The following TNR variants were observed in gnomAD, a reference collection of about 807,000 sequenced individuals.
TNR encodes the protein tenascin R, also known as tenascin-R.
A neutral mutation model predicts 150.4 loss-of-function variants in TNR; 45 were observed. That is an observed-to-expected ratio of 0.30 (90% confidence interval 0.24 to 0.38). The LOEUF is 0.38. Among genes scored for constraint, TNR ranks in the 10% least tolerant of loss-of-function variants. The probability of loss-of-function intolerance (pLI) is 1.00; values close to 1 mark genes in which losing one functional copy is unlikely to be tolerated. For missense variants in TNR, 1,544 were observed against 1,759.1 expected (o/e 0.88, Z 2.19); for synonymous variants, 687 against 678.4 (o/e 1.01, Z -0.20).
At chr1:175,412,652 G>A (rs538178905) in intron 2 of TNR, among the ~76,000 whole-genome samples, 8 of 151,700 alleles carry the variant, frequency 5.3e-5, no homozygotes, top group African/African-American at 1.5e-4. Flanking sequence ...AATGTGTCCC[G>A]CACTCCAGCT....
chr1:175,672,414 T>C (rs1198353314), intron 1 of TNR, among the ~76,000 whole-genome samples: 1 of 152,206 alleles, frequency 6.6e-6, no homozygotes, highest in Non-Finnish European at 1.5e-5. Flanking sequence ...GGAATAGAGA[T>C]GTGCTGACTT....
chr1:175,456,603 G>T (rs2102099704), intron 2 of TNR, among the ~76,000 whole-genome samples: 1 of 147,584 alleles, frequency 6.8e-6, no homozygotes, highest in Non-Finnish European at 1.5e-5. Context: ...TTCAGCCTAA[G>T]TGTACTGAAG....
chr1:175,361,004 C>G (rs537729003), intron 14 of TNR, among the ~76,000 whole-genome samples: 16 of 152,178 alleles, frequency 1.1e-4, no homozygotes, highest in Non-Finnish European at 1.9e-4. Context: ...ATGGGCATAC[C>G]ATTTGGGTTG....
chr1:175,679,253 A>C (rs557998277), intron 1 of TNR, among the ~76,000 whole-genome samples: 23 of 152,334 alleles, frequency 1.5e-4, no homozygotes, highest in African/African-American at 5.5e-4. Context: ...TCCCTCTCTG[A>C]AGCTTGCTAG....
At chr1:175,557,525 C>T (rs887192196) in intron 1 of TNR, among the ~76,000 whole-genome samples, 3 of 152,192 alleles carry the variant, frequency 2.0e-5, no homozygotes, top group African/African-American at 7.2e-5. Flanking sequence ...CACATCCAAT[C>T]TCAACTTGAA....
At chr1:175,335,647 A>G in intron 20 of TNR, 64 bp downstream of exon 20, 1 of 1,496,530 alleles carries the variant, frequency 6.7e-7, no homozygotes, top group East Asian at 2.3e-5. Flanking sequence ...ATGGACACAA[A>G]AAGGAGAGAG....
intron 1 of TNR, among the ~76,000 whole-genome samples, chr1:175,726,195 C>T (rs1667473442): frequency 6.6e-6 from 1 of 152,120 alleles, no homozygotes; most frequent in African/African-American, 2.4e-5. Context: ...AAAGATTACA[C>T]AGATAAGTAA....
intron 1 of TNR, among the ~76,000 whole-genome samples, chr1:175,656,954 T>C (rs945423349): frequency 6.6e-6 from 1 of 152,132 alleles, no homozygotes; most frequent in Non-Finnish European, 1.5e-5. Context: ...GCTATGCACA[T>C]TGAGTGCAAC....
At position 175,386,129 on chromosome 1, in the gene TNR, T is replaced by C. The variant is rs1198901290; in HGVS notation, c.1680A>G (p.Ser560=). Residue 560 remains serine, a synonymous_variant, in exon 8 of 23, where the codon TCA becomes TCG. Transcript: ENST00000367674. ...FRLQPPLSQY[S]VQALRPGSRY... The stretch of plus-strand genomic sequence containing the variant: ...GGGAGCCAGGCCGCAGGGCCTGCAC[T>C]GAGTATTGGCTCAGGGGAGGCTGCA... The C allele has an allele frequency of 5.6e-6, 9 of 1,613,284 alleles. No individual in the cohort carries two copies. Among genetic ancestry groups the C allele is most frequent in the Admixed American group, 5.0e-5 (3 of 59,976 alleles).
In TNR at chr1:175,688,489, G is replaced by A. The variant is rs559569741; in HGVS notation, c.-165+54737C>T. On this transcript the variant is annotated intron_variant, in intron 1 of 22. Coordinates refer to ENST00000367674, the MANE Select transcript of TNR (RefSeq NM_003285.3). ...GCAAATGAATGAATGAACAAATGAG[G>A]AAGAGAATGACTGAGTCTGTTGCAG... 2.0e-5 allele frequency among the ~76,000 whole-genome samples: 3 copies of A among 152,314 alleles called. No individual in the cohort carries two copies. The East Asian group carries it at 5.8e-4, about 29-fold the overall frequency.
chr1:175,517,515 G>T (rs1026281826), intron 2 of TNR, among the ~76,000 whole-genome samples: 1 of 152,068 alleles, frequency 6.6e-6, no homozygotes, highest in Non-Finnish European at 1.5e-5. Context: ...AGGGACACAG[G>T]TTGGCATTTA....
intron 9 of TNR, among the ~76,000 whole-genome samples, chr1:175,369,014 AT>A (rs1475829255): frequency 6.6e-6 from 1 of 152,114 alleles, no homozygotes; most frequent in African/African-American, 2.4e-5. Flanking sequence ...AAATCAAGTG[AT>A]CACCCTGAGG....
intron 2 of TNR, among the ~76,000 whole-genome samples, chr1:175,445,358 A>G (rs1044007132): frequency 6.6e-6 from 1 of 152,248 alleles, no homozygotes; most frequent in Non-Finnish European, 1.5e-5. Context: ...CTTGTAAGCC[A>G]AACAAAGGAA....
At chr1:175,514,644 A>C (rs1345854744) in intron 2 of TNR, among the ~76,000 whole-genome samples, 1 of 152,230 alleles carries the variant, frequency 6.6e-6, no homozygotes, top group Non-Finnish European at 1.5e-5. Context: ...AAAAGTCTAC[A>C]GTTTTAAATG....
intron 1 of TNR, among the ~76,000 whole-genome samples, chr1:175,636,093 C>A (rs1329411786): frequency 6.6e-6 from 1 of 152,080 alleles, no homozygotes; most frequent in Non-Finnish European, 1.5e-5. Flanking sequence ...ATGGATCATC[C>A]TTATGTTATT....
intron 1 of TNR, among the ~76,000 whole-genome samples, chr1:175,614,751 G>A (rs1314369957): frequency 6.6e-6 from 1 of 152,190 alleles, no homozygotes; most frequent in Non-Finnish European, 1.5e-5. Flanking sequence ...CAGCTTCTTG[G>A]AAGGGGAATT....
At chr1:175,382,728 C>T (rs1405602094) in intron 8 of TNR, among the ~76,000 whole-genome samples, 7 of 151,992 alleles carry the variant, frequency 4.6e-5, no homozygotes, top group Non-Finnish European at 7.4e-5. Flanking sequence ...GGTGAAACCT[C>T]ATCTCTACTA....
chr1:175,548,308 A>G (rs1189360040), intron 1 of TNR, among the ~76,000 whole-genome samples: 3 of 151,324 alleles, frequency 2.0e-5, no homozygotes, highest in East Asian at 1.9e-4. Flanking sequence ...AAGCACAGAG[A>G]CCCTTGCTAA....
rs571761629 is a variant in TNR, at chr1:175,616,404, C to G, written c.-164-88035G>C. On this transcript the variant is annotated intron_variant, in intron 1 of 22. Coordinates refer to ENST00000367674, the MANE Select transcript of TNR (RefSeq NM_003285.3). ...TTAGCCCTCTGCAGGCACCCACAAC[C>G]TCCTGGCAGCTGGCGGGTGATGCTA... Among the ~76,000 whole-genome samples the G allele has an allele frequency of 1.6e-3, 241 of 152,332 alleles. 1 individual carries two copies. The highest frequency in any genetic ancestry group is 5.0e-3 in the African/African-American group (207 of 41,580).
Sources: gnomAD v4.1 joint callset for allele counts (sites outside exome capture counted in the v4.1 genomes callset) on GRCh38, gnomAD v4.1.1 for gene constraint, MANE v1.5 for transcripts, NCBI Gene and HGNC (gene_info 2026-07-23, HGNC 2026-07-21) for gene names.